DMD: variants seen among roughly 807,000 people sequenced by gnomAD.
DMD encodes the protein mutant dystrophin.
DMD carries 63 observed loss-of-function variants against 330.1 expected under a neutral mutation model. The observed-to-expected ratio is 0.19, with a 90% CI of 0.16 to 0.24. The LOEUF is 0.24. Among genes scored for constraint, DMD ranks in the 10% least tolerant of loss-of-function variants. The probability of loss-of-function intolerance (pLI) is 1.00; values close to 1 mark genes in which losing one functional copy is unlikely to be tolerated. For missense variants in DMD, 3,344 were observed against 2,684.1 expected (o/e 1.25, Z -5.43); for synonymous variants, 1,223 against 959.8 (o/e 1.27, Z -5.07).
At chrX:32,725,770 G>A (rs2066805738) in intron 7 of DMD, among the ~76,000 whole-genome samples, 1 of 110,923 alleles carries the variant, frequency 9.0e-6, no homozygotes, top group African/African-American at 3.3e-5. Flanking sequence ...CATAGTATTT[G>A]CGAGCACAGC....
intron 63 of DMD, among the ~76,000 whole-genome samples, chrX:31,260,642 A>AG (rs1310302622): frequency 9.1e-6 from 1 of 110,229 alleles, no homozygotes; most frequent in Non-Finnish European, 1.9e-5. Context: ...CTTCGTGGGA[A>AG]GAAAAAAAAA....
intron 41 of DMD, among the ~76,000 whole-genome samples, chrX:32,333,486 G>T (rs760917196): frequency 9.0e-6 from 1 of 111,280 alleles, no homozygotes; most frequent in East Asian, 2.8e-4. Flanking sequence ...ACTTTCTAAG[G>T]AAATACAGCA....
intron 7 of DMD, among the ~76,000 whole-genome samples, chrX:32,725,530 AAG>A (rs995753410): frequency 9.0e-6 from 1 of 110,860 alleles, no homozygotes; most frequent in African/African-American, 3.3e-5. Flanking sequence ...GACAAAAACA[AAG>A]AGTCAAAAAA....
chrX:33,045,775 T>A (rs768407411), intron 1 of DMD, among the ~76,000 whole-genome samples: 1 of 111,475 alleles, frequency 9.0e-6, no homozygotes, highest in South Asian at 3.9e-4. Flanking sequence ...TGAAAAATAG[T>A]GCCCAACCAG....
intron 60 of DMD, among the ~76,000 whole-genome samples, chrX:31,433,752 C>A (rs2064260388): frequency 9.0e-6 from 1 of 111,705 alleles, no homozygotes; most frequent in Non-Finnish European, 1.9e-5. Context: ...AGCCACGACA[C>A]CCGGTCATTT....
chrX:31,537,180 T>C (rs954285908), intron 55 of DMD, among the ~76,000 whole-genome samples: 2 of 112,119 alleles, frequency 1.8e-5, no homozygotes, highest in Non-Finnish European at 3.8e-5. Context: ...TTTGGTCTTA[T>C]CTTTCATGAT....
chrX:33,170,199 C>T (rs2049268523), intron 1 of DMD, among the ~76,000 whole-genome samples: 1 of 111,041 alleles, frequency 9.0e-6, no homozygotes, highest in South Asian at 3.7e-4. Context: ...GAGGGCTTTG[C>T]CGTTCCCAAG....
intron 49 of DMD, among the ~76,000 whole-genome samples, chrX:31,835,616 T>C (rs2093178362): frequency 8.9e-6 from 1 of 111,859 alleles, no homozygotes; most frequent in Non-Finnish European, 1.9e-5. Context: ...CAGTGTCTGG[T>C]GTTTGGACAT....
chrX:31,135,167 A>G (rs374077010), intron 76 of DMD, among the ~76,000 whole-genome samples: 1,321 of 89,617 alleles, frequency 0.015, 9 homozygotes, highest in Non-Finnish European at 0.023. Flanking sequence ...ATGTAATAAA[A>G]TAAGTATTAC....
intron 44 of DMD, among the ~76,000 whole-genome samples, chrX:32,209,341 A>G (rs1414581890): frequency 9.0e-6 from 1 of 111,055 alleles, no homozygotes; most frequent in African/African-American, 3.3e-5. Context: ...GAAGTGTACA[A>G]AAATTCTGAG....
chrX:31,362,882 G>A (rs2059016468), intron 60 of DMD, among the ~76,000 whole-genome samples: 1 of 112,490 alleles, frequency 8.9e-6, no homozygotes. Flanking sequence ...CCCCGGAGGC[G>A]GAGCTTGCAG....
At chrX:32,900,693 T>C (rs1011755679) in intron 2 of DMD, among the ~76,000 whole-genome samples, 5 of 111,167 alleles carry the variant, frequency 4.5e-5, no homozygotes, top group Non-Finnish European at 7.5e-5. Context: ...AATTCATTAT[T>C]GCTCTATATT....
intron 44 of DMD, among the ~76,000 whole-genome samples, chrX:32,201,823 G>C (rs2097040675): frequency 1.8e-5 from 2 of 110,756 alleles, no homozygotes; most frequent in Non-Finnish European, 3.8e-5. Context: ...GTTTCTTTAA[G>C]ACTCCAGTGC....
chrX:32,175,598 G>A (rs964358042), intron 44 of DMD, among the ~76,000 whole-genome samples: 3 of 110,176 alleles, frequency 2.7e-5, no homozygotes, highest in African/African-American at 9.9e-5. Context: ...TGAAGTCAGC[G>A]AGACCACGAA....
rs60363526 is a variant in DMD, at chrX:31,664,238, T to C, written c.7873-6094A>G. 1.2e-4 allele frequency among the ~76,000 whole-genome samples: 13 copies of C among 110,639 alleles called. No homozygotes were observed. The East Asian group carries it at 3.4e-3, about 29-fold the overall frequency. ...CTACTCATCTCAGGAGGAGAATGAGTGACATATGGAGCAGAGCGACCCCAA... is the reference window on the plus strand; with the variant it reads ...CTACTCATCTCAGGAGGAGAATGAGCGACATATGGAGCAGAGCGACCCCAA... On this transcript the variant is annotated intron_variant, in intron 53 of 78. Coordinates refer to ENST00000357033, the MANE Select transcript of DMD (RefSeq NM_004006.3).
chrX:31,825,361 A>T (rs1414690845), intron 49 of DMD, among the ~76,000 whole-genome samples: 1 of 111,925 alleles, frequency 8.9e-6, no homozygotes, highest in Non-Finnish European at 1.9e-5. Context: ...AATCACCTAT[A>T]TGTGCTGAGA....
intron 57 of DMD, among the ~76,000 whole-genome samples, chrX:31,496,466 T>C (rs1460881369): frequency 8.9e-6 from 1 of 112,271 alleles, no homozygotes; most frequent in Non-Finnish European, 1.9e-5. Context: ...TCTGACGTGA[T>C]TTGATAATTG....
intron 52 of DMD, among the ~76,000 whole-genome samples, chrX:31,701,267 C>T (rs1048405191): frequency 8.9e-6 from 1 of 111,918 alleles, no homozygotes; most frequent in African/African-American, 3.3e-5. Flanking sequence ...GTGCAGAAAA[C>T]GGAAATTAAC....
intron 47 of DMD, among the ~76,000 whole-genome samples, chrX:31,890,540 C>T (rs1428364914): frequency 9.0e-6 from 1 of 111,156 alleles, no homozygotes; most frequent in Non-Finnish European, 1.9e-5. Flanking sequence ...CAGAGAAAGA[C>T]CATACTCATT....
Sources: allele counts gnomAD v4.1 joint callset (sites outside exome capture counted in the v4.1 genomes callset), GRCh38; gene constraint gnomAD v4.1.1; transcripts MANE v1.5; gene names NCBI Gene and HGNC (gene_info 2026-07-23, HGNC 2026-07-21).